Variants in NLRP3 observed in about 807,000 individuals in gnomAD.
The protein encoded by NLRP3 is NACHT, LRR and PYD domains-containing protein 3.
In NLRP3, 48 loss-of-function variants were observed where a neutral mutation model predicts 91.3. The ratio of observed to expected loss-of-function variants is 0.53; its 90% CI spans 0.42 to 0.67. The LOEUF (loss-of-function observed/expected upper bound fraction) is 0.67. Among genes scored for constraint, NLRP3 ranks in the 30% least tolerant of loss-of-function variants. NLRP3 has a pLI of 0.00. For missense variants in NLRP3, 982 were observed against 1,276.9 expected (o/e 0.77, Z 3.52); for synonymous variants, 561 against 507.9 (o/e 1.10, Z -1.41).
intron 1 of NLRP3, among the ~76,000 whole-genome samples, chr1:247,417,021 A>T (rs1235563630): frequency 2.6e-5 from 4 of 152,158 alleles, no homozygotes; most frequent in Non-Finnish European, 1.5e-5. Flanking sequence ...ACTCTAGGAG[A>T]TATGGAAGAT....
chr1:247,425,279 T>C lies in NLRP3; in HGVS notation c.1830T>C (p.Ile610=). The change falls in exon 4 of 10, where the codon ATT becomes ATC. Residue 610 remains isoleucine (I), a synonymous_variant. Transcript: ENST00000336119. The surrounding 1 kb of genome is among the most constrained non-coding windows in gnomAD (Gnocchi z 4.1). ...QQIRLELLKW[I]EVKAKAKKLQ... Reference sequence around the variant, plus strand: ...TCAGGCTGGAGCTGCTGAAATGGATTGAAGTGAAAGCCAAAGCTAAAAAGC... The same window carrying C: ...TCAGGCTGGAGCTGCTGAAATGGATCGAAGTGAAAGCCAAAGCTAAAAAGC... The C allele has an allele frequency of 6.2e-7, 1 of 1,614,136 alleles. No homozygotes were observed. The highest frequency in any genetic ancestry group is 8.5e-7 in the Non-Finnish European group (1 of 1,180,030).
intron 7 of NLRP3, 117 bp downstream of exon 7, chr1:247,436,257 A>T: frequency 1.1e-6 from 1 of 943,446 alleles, no homozygotes; most frequent in South Asian, 1.4e-5. Flanking sequence ...GTAAGGAGGT[A>T]AAAACATCAG....
At chr1:247,448,317 G>A (rs1158226394) in intron 9 of NLRP3, 88 bp from the exon 10 acceptor site, 1 of 728,076 alleles carries the variant, frequency 1.4e-6, no homozygotes, top group Admixed American at 1.8e-5. Context: ...TGGAGTTTAG[G>A]GAAATGAAGA....
At chr1:247,447,115 CAA>C (rs1664633932) in intron 9 of NLRP3, among the ~76,000 whole-genome samples, 1 of 152,210 alleles carries the variant, frequency 6.6e-6, no homozygotes, top group Non-Finnish European at 1.5e-5. Flanking sequence ...GCTGCGATAA[CAA>C]GCTGCTTTAG....
chr1:247,431,171 G>A (rs1309834688), intron 5 of NLRP3, among the ~76,000 whole-genome samples: 3 of 150,990 alleles, frequency 2.0e-5, no homozygotes, highest in East Asian at 1.9e-4. Context: ...GTGACAGAGC[G>A]AGATTCCATT....
chr1:247,421,820 G>A (rs1422547625), intron 2 of NLRP3, among the ~76,000 whole-genome samples: 1 of 152,108 alleles, frequency 6.6e-6, no homozygotes, highest in African/African-American at 2.4e-5. Context: ...GTTTCCTGGG[G>A]TGGGGTTAGG....
chr1:247,428,905 T>G (rs1233529394), intron 4 of NLRP3, among the ~76,000 whole-genome samples: 1 of 151,608 alleles, frequency 6.6e-6, no homozygotes, highest in African/African-American at 2.4e-5. Flanking sequence ...TCTTTTTTTT[T>G]TTTTTGAGAT....
intron 5 of NLRP3, among the ~76,000 whole-genome samples, chr1:247,433,705 TATTCC>T: frequency 9.4e-6 from 1 of 106,864 alleles, no homozygotes; most frequent in African/African-American, 3.7e-5. Flanking sequence ...ATGCTTTCTC[TATTCC>T]GGAGCTCTCT....
chr1:247,435,071 G>T (rs1016292688), intron 6 of NLRP3, among the ~76,000 whole-genome samples: 3 of 152,118 alleles, frequency 2.0e-5, no homozygotes, highest in Admixed American at 6.6e-5. Context: ...GGCCATCATA[G>T]TAAAACCTTG....
chr1:247,436,861 T>C lies in NLRP3; in HGVS notation c.2663+721T>C, dbSNP rs115472362. Among the ~76,000 whole-genome samples the C allele has an allele frequency of 3.9e-5, 6 of 152,382 alleles. No individual in the cohort carries two copies. The East Asian group carries it at 9.6e-4, about 24-fold the overall frequency. ...ATGCACTTTCCCTGTACCACTTTCC[T>C]GTATCACTTTCCCTGTATCACCTGC... On this transcript the variant is annotated intron_variant, in intron 7 of 9. Coordinates refer to ENST00000336119, the MANE Select transcript of NLRP3 (RefSeq NM_001243133.2).
At chr1:247,427,329 A>G (rs1372879218) in intron 4 of NLRP3, among the ~76,000 whole-genome samples, 1 of 152,234 alleles carries the variant, frequency 6.6e-6, no homozygotes, top group Admixed American at 6.5e-5. Flanking sequence ...ACAAACATTC[A>G]GACCATAGAA....
At chr1:247,416,814 G>A (rs1252911023) in intron 1 of NLRP3, among the ~76,000 whole-genome samples, 1 of 152,184 alleles carries the variant, frequency 6.6e-6, no homozygotes, top group Non-Finnish European at 1.5e-5. Context: ...CGGGAGAGAT[G>A]AGTGAGTCTG....
Position 247,443,999 on chromosome 1 carries a change from C to G in NLRP3, c.2691C>G (p.Val897=). Reference sequence around the variant, plus strand: ...TGGTGAATTCTGGCCTTACGTCAGTCTGTTGTTCAGCTTTGTCCTCGGTAC... The same window carrying G: ...TGGTGAATTCTGGCCTTACGTCAGTGTGTTGTTCAGCTTTGTCCTCGGTAC... ...LGLVNSGLTS[V]CCSALSSVLS... Residue 897 remains valine, a synonymous_variant, in exon 8 of 10, where the codon GTC becomes GTG. Transcript: ENST00000336119. The G allele has an allele frequency of 6.2e-7, 1 of 1,614,170 alleles. No individual in the cohort carries two copies. The highest frequency in any genetic ancestry group is 8.5e-7 in the Non-Finnish European group (1 of 1,180,024).
rs183254996 is a variant in NLRP3, at chr1:247,432,232, T to G, written c.2322-1871T>G. Among the ~76,000 whole-genome samples the G allele has an allele frequency of 2.0e-3, 300 of 152,274 alleles. 1 individual carries two copies. Among genetic ancestry groups the G allele is most frequent in the African/African-American group, 6.8e-3 (282 of 41,532 alleles). ...TGAACATTGTACCCAATAAATAATT[T>G]TCCAGCCCTCACCTGGCTCCCACCC... On this transcript the variant is annotated intron_variant, in intron 5 of 9. Transcript: ENST00000336119.
At position 247,429,720 on chromosome 1, in the gene NLRP3, G is replaced by A. The variant is rs199765599; in HGVS notation, c.2286G>A (p.Thr762=). ...CAGGGATGAGAGTGTTGTGTGAAAC[G>A]CTCCAGCATCCTGGCTGTAACATTC... ...GDPGMRVLCE[T]LQHPGCNIRR... Residue 762 remains threonine, a synonymous_variant, in exon 5 of 10, where the codon ACG becomes ACA. Coordinates refer to ENST00000336119, the MANE Select transcript of NLRP3 (RefSeq NM_001243133.2). The A allele has an allele frequency of 2.1e-5, 34 of 1,613,920 alleles. No homozygotes were observed. The highest frequency in any genetic ancestry group is 8.8e-5 in the South Asian group (8 of 91,082).
At position 247,435,986 on chromosome 1, in the gene NLRP3, C is replaced by T; in HGVS notation, c.2509C>T (p.Leu837Phe). The change falls in exon 7 of 10, where the codon CTC becomes TTC. Residue 837 changes from leucine to phenylalanine, a missense_variant. Physicochemically the swap from Leu to Phe is conservative, Grantham distance 22. This residue lies in a region of NLRP3 where 373 missense variants were observed against 431.5 expected (regional missense o/e 0.86). Coordinates refer to ENST00000336119, the MANE Select transcript of NLRP3 (RefSeq NM_001243133.2). ...LKKLWLVSCC[L>F]TSACCQDLAS... ...CTATGGAAGGTTGGTCAGCTGCTGC[C>T]TCACATCAGCATGTTGTCAGGATCT... is the stretch of plus-strand genomic sequence containing the variant. 6.2e-7 allele frequency: 1 copy of T among 1,614,016 alleles called. No individual in the cohort carries two copies. The highest frequency in any genetic ancestry group is 8.5e-7 in the Non-Finnish European group (1 of 1,179,982).
At chr1:247,437,785 G>A (rs1260074852) in intron 7 of NLRP3, among the ~76,000 whole-genome samples, 3 of 152,226 alleles carry the variant, frequency 2.0e-5, no homozygotes, top group East Asian at 1.9e-4. Flanking sequence ...GAGTGACGGC[G>A]AGGGGTGCTT....
intron 6 of NLRP3, among the ~76,000 whole-genome samples, chr1:247,434,732 C>G (rs1041916159): frequency 6.6e-6 from 1 of 152,024 alleles, no homozygotes; most frequent in African/African-American, 2.4e-5. Flanking sequence ...AATGGAAGGG[C>G]CATTTCTCAC....
rs772109647 is a variant in NLRP3 at position 247,424,421 on chromosome 1, G to A, written c.972G>A (p.Glu324=). 3 of 1,614,070 alleles carry A rather than the reference G, an allele frequency of 1.9e-6. No homozygotes were observed. The highest frequency in any genetic ancestry group is 1.7e-5 in the Admixed American group (1 of 60,002). Residue 324 remains glutamate, a synonymous_variant, in exon 4 of 10, where the codon GAG becomes GAA. Transcript: ENST00000336119. The surrounding 1 kb of genome is among the most constrained non-coding windows in gnomAD (Gnocchi z 8.1). The stretch of plus-strand genomic sequence containing the variant: ...TCTGCACTGACTGGCAGAAGGCCGA[G>A]CGGGGAGACATTCTCCTGAGCAGCC... ...GPLCTDWQKA[E]RGDILLSSLI...
Sources: gnomAD v4.1 joint callset for allele counts (sites outside exome capture counted in the v4.1 genomes callset) on GRCh38, gnomAD v4.1.1 for gene constraint, gnomAD v4.1.1 regional missense constraint, Gnocchi (gnomAD v3.1) non-coding constraint, MANE v1.5 for transcripts, NCBI Gene and HGNC (gene_info 2026-07-23, HGNC 2026-07-21) for gene names.